The following GXYLT2 variants were observed in gnomAD, a reference collection of about 807,000 sequenced individuals.
GXYLT2 encodes glucoside xylosyltransferase 2.
GXYLT2 carries 53 observed loss-of-function variants against 45.8 expected under a neutral mutation model. That is an observed-to-expected ratio of 1.16 (90% confidence interval 0.93 to 1.46). The LOEUF (loss-of-function observed/expected upper bound fraction) is 1.46, where lower values mean the gene tolerates loss of function less well. Among genes scored for constraint, GXYLT2 ranks in the 40% most tolerant of loss-of-function variants. GXYLT2 has a pLI of 0.00. For synonymous variants in GXYLT2, 219 were observed against 214.2 expected, an observed-to-expected ratio of 1.02 and a Z score of -0.19; for missense variants, 551 against 544.4, an observed-to-expected ratio of 1.01 and a Z score of -0.12.
Position 72,955,809 on chromosome 3 carries a change from G to C in GXYLT2, c.852+460G>C, listed in dbSNP as rs528991669. 4.8e-4 allele frequency among the ~76,000 whole-genome samples: 73 copies of C among 152,302 alleles called. 1 individual carries two copies. Among genetic ancestry groups the C allele is most frequent in the African/African-American group, 1.7e-3 (71 of 41,568 alleles). On this transcript the variant is annotated intron_variant, in intron 4 of 6. Transcript: ENST00000389617. ...AATTATCCTCCTGGCCAGGGGTGGT[G>C]GCTCACACTTGTAATCCCAGCACTT...
chr3:72,889,017 TC>T (rs1347058045), intron 1 of GXYLT2, among the ~76,000 whole-genome samples: 8 of 152,188 alleles, frequency 5.3e-5, no homozygotes, highest in Non-Finnish European at 1.2e-4. Flanking sequence ...AGAAGTTTTC[TC>T]CTTGAAAGGA....
chr3:72,945,157 A>G (rs865800005), intron 3 of GXYLT2, among the ~76,000 whole-genome samples: 1 of 150,348 alleles, frequency 6.7e-6, no homozygotes, highest in Admixed American at 6.6e-5. Context: ...GTGTGGTGGC[A>G]GGCGCCTGTA....
chr3:72,897,897 CCT>C (rs1211328131), intron 1 of GXYLT2, among the ~76,000 whole-genome samples: 1 of 140,754 alleles, frequency 7.1e-6, no homozygotes, highest in Non-Finnish European at 1.6e-5. Context: ...TTTGTTAGAA[CCT>C]CTCTAGTTTT....
chr3:72,975,148 C>T lies in GXYLT2; in HGVS notation c.1321C>T (p.Gln441Ter). The T allele has an allele frequency of 6.2e-7, 1 of 1,611,292 alleles. No homozygotes were observed. The highest frequency in any genetic ancestry group is 8.5e-7 in the Non-Finnish European group (1 of 1,178,364). The change falls in exon 7 of 7, where the codon CAG (glutamine) becomes TAG (stop). Residue 441 changes from glutamine (Q) to a stop codon, truncating the protein, a stop_gained. Transcript: ENST00000389617. LOFTEE classifies it high-confidence loss of function. Reference sequence around the variant, plus strand: ...CGTCATCATCCATGTTGGCCCCAACCAGATGCACTGAATATTTTGTCTTGT... The same window carrying T: ...CGTCATCATCCATGTTGGCCCCAACTAGATGCACTGAATATTTTGTCTTGT... The part of the protein sequence containing the change: ...KHVIIHVGPN[Q>*]MH
At chr3:72,900,689 A>T (rs1040246234) in intron 1 of GXYLT2, among the ~76,000 whole-genome samples, 1 of 151,658 alleles carries the variant, frequency 6.6e-6, no homozygotes, top group Admixed American at 6.6e-5. Context: ...AAGTGCTGGG[A>T]ATACAGGCAT....
chr3:72,937,267 C>T (rs1251607680), intron 3 of GXYLT2, among the ~76,000 whole-genome samples: 3 of 152,032 alleles, frequency 2.0e-5, no homozygotes, highest in Non-Finnish European at 4.4e-5. Context: ...AACAAGTATT[C>T]TTTTTGACAT....
chr3:72,969,105 T>A (rs1710934055), intron 6 of GXYLT2, among the ~76,000 whole-genome samples: 2 of 151,518 alleles, frequency 1.3e-5, no homozygotes, highest in South Asian at 4.2e-4. Flanking sequence ...CTTTATGGAC[T>A]CGTGGGCTAG....
At chr3:72,939,308 G>T (rs1383156596) in intron 3 of GXYLT2, among the ~76,000 whole-genome samples, 1 of 152,064 alleles carries the variant, frequency 6.6e-6, no homozygotes, top group Non-Finnish European at 1.5e-5. Context: ...TTAGCCGGGC[G>T]TGGTGGCACC....
intron 2 of GXYLT2, among the ~76,000 whole-genome samples, chr3:72,919,998 G>C (rs1709802530): frequency 1.3e-5 from 2 of 152,136 alleles, no homozygotes; most frequent in South Asian, 4.1e-4. Flanking sequence ...CCACATGAAT[G>C]CAAGATATAA....
intron 1 of GXYLT2, among the ~76,000 whole-genome samples, chr3:72,906,901 G>A (rs1001969796): frequency 2.0e-5 from 3 of 152,136 alleles, no homozygotes; most frequent in Non-Finnish European, 4.4e-5. Flanking sequence ...CTTGATCTTG[G>A]GGACAGCGGG....
At chr3:72,919,523 G>A (rs1709794064) in intron 2 of GXYLT2, among the ~76,000 whole-genome samples, 1 of 152,250 alleles carries the variant, frequency 6.6e-6, no homozygotes, top group Non-Finnish European at 1.5e-5. Flanking sequence ...GGGAGGCCAA[G>A]GCATGTAGAT....
chr3:72,972,178 G>A (rs144033998), intron 6 of GXYLT2, among the ~76,000 whole-genome samples: 9 of 151,984 alleles, frequency 5.9e-5, no homozygotes, highest in African/African-American at 1.7e-4. Context: ...TTGTGTGTAC[G>A]TGTTTGTGTG....
chr3:72,899,554 A>G (rs893364192), intron 1 of GXYLT2, among the ~76,000 whole-genome samples: 1 of 152,208 alleles, frequency 6.6e-6, no homozygotes, highest in Non-Finnish European at 1.5e-5. Context: ...GAGTCTAATC[A>G]TGACGTCAAG....
intron 1 of GXYLT2, among the ~76,000 whole-genome samples, chr3:72,888,796 A>G (rs1033103143): frequency 2.6e-5 from 4 of 152,200 alleles, no homozygotes; most frequent in Non-Finnish European, 4.4e-5. Flanking sequence ...CACTCTTGCA[A>G]ACATGCACCC....
chr3:72,974,903 T>G, intron 6 of GXYLT2, 74 bp from the exon 7 acceptor site: 1 of 1,120,078 alleles, frequency 8.9e-7, no homozygotes. Flanking sequence ...CCTGTGTCAT[T>G]TCTTAGTAAA....
At chr3:72,974,878 G>A in intron 6 of GXYLT2, 99 bp from the exon 7 acceptor site, 1 of 890,288 alleles carries the variant, frequency 1.1e-6, no homozygotes, top group Admixed American at 2.5e-5. Flanking sequence ...CTGTGCCTGT[G>A]GGCTTATCGT....
At chr3:72,910,328 G>A (rs1182778928) in intron 2 of GXYLT2, among the ~76,000 whole-genome samples, 1 of 152,074 alleles carries the variant, frequency 6.6e-6, no homozygotes, top group African/African-American at 2.4e-5. Flanking sequence ...ACCCTTCCAT[G>A]GAATTAATCG....
chr3:72,909,780 G>A (rs1012608623), intron 2 of GXYLT2, among the ~76,000 whole-genome samples: 12 of 152,298 alleles, frequency 7.9e-5, no homozygotes, highest in African/African-American at 2.6e-4. Context: ...TTCTCTTGCT[G>A]TAAGTTCTCA....
At chr3:72,889,880 C>T (rs1207866900) in intron 1 of GXYLT2, among the ~76,000 whole-genome samples, 1 of 150,160 alleles carries the variant, frequency 6.7e-6, no homozygotes, top group Non-Finnish European at 1.5e-5. Context: ...TCCCCCCCAC[C>T]GCTGTTTTTC....
Sources: gnomAD v4.1 joint callset for allele counts (sites outside exome capture counted in the v4.1 genomes callset) on GRCh38, gnomAD v4.1.1 for gene constraint, MANE v1.5 for transcripts, NCBI Gene and HGNC (gene_info 2026-07-23, HGNC 2026-07-21) for gene names.